The following GSE1 variants were observed in gnomAD, a reference collection of about 807,000 sequenced individuals.
GSE1 encodes the protein Gse1 coiled-coil protein.
A neutral mutation model predicts 112.6 loss-of-function variants in GSE1; 32 were observed. That is an observed-to-expected ratio of 0.28 (90% confidence interval 0.21 to 0.38). The LOEUF is 0.38. GSE1 is among the 10% of genes least tolerant of loss of function. GSE1 has a pLI of 1.00. For synonymous variants in GSE1, 1,115 were observed against 735.6 expected (o/e 1.52, Z -8.35); for missense variants, 2,348 against 1,699.2 (o/e 1.38, Z -6.71).
intron 1 of GSE1, among the ~76,000 whole-genome samples, chr16:85,619,277 TG>T (rs2048575112): frequency 6.6e-6 from 1 of 152,152 alleles, no homozygotes; most frequent in South Asian, 2.1e-4. Flanking sequence ...TGCGCTCGGA[TG>T]GTGGGTCTGT....
rs2048461414 is a variant in GSE1 at position 85,617,615 on chromosome 16, A to AGG, written c.7+4217_7+4218insGG. Among the ~76,000 whole-genome samples the AGG allele has an allele frequency of 2.7e-5, 2 of 74,754 alleles. 1 individual carries two copies. The highest frequency in any genetic ancestry group is 5.7e-5 in the Non-Finnish European group (2 of 34,864). The allele number at this position is 74,754 out of a possible 152,430, so 49.0% of individuals were successfully genotyped here. ...CAACCCTCCCCCCCCCCCCCCCGTT[A>AGG]ACTGCCACGTGCAGCCCAAGCTGAG... On this transcript the variant is annotated intron_variant, in intron 1 of 15. Transcript: ENST00000253458.
intron 1 of GSE1, among the ~76,000 whole-genome samples, chr16:85,286,973 G>A (rs1251038819): frequency 2.6e-5 from 4 of 152,326 alleles, no homozygotes; most frequent in East Asian, 3.9e-4. Flanking sequence ...GGAAAGCGTC[G>A]GGGGCCGCGG....
intron 2 of GSE1, among the ~76,000 whole-genome samples, chr16:85,455,458 G>T (rs2049800750): frequency 6.6e-6 from 1 of 152,058 alleles, no homozygotes; most frequent in South Asian, 2.1e-4. Flanking sequence ...GTAGGGCTGG[G>T]GATGAAGCTG....
chr16:85,326,693 T>C (rs1435693619), intron 1 of GSE1, among the ~76,000 whole-genome samples: 2 of 152,190 alleles, frequency 1.3e-5, no homozygotes, highest in African/African-American at 2.4e-5. Context: ...TTCCTCAGTC[T>C]CGGATATTTC....
rs1162204894 is a variant in GSE1, at chr16:85,588,632, G to T, written c.37+32269G>T. Among the ~76,000 whole-genome samples the T allele has an allele frequency of 3.3e-5, 5 of 152,350 alleles. No individual in the cohort carries two copies. In the South Asian group the frequency reaches 6.2e-4, roughly 19 times the overall value. ...ATAGGCCCTGTCTGTGACCTTTGCTGGGACAAGAAGTATTATCAGGAATAT... is the reference window on the plus strand; with the variant it reads ...ATAGGCCCTGTCTGTGACCTTTGCTTGGACAAGAAGTATTATCAGGAATAT... On this transcript the variant is annotated intron_variant, in intron 1 of 2. Transcript: ENST00000635906.
rs369253854 is a variant in GSE1, at chr16:85,515,497, C to T, written c.2465-118417C>T. On this transcript the variant is annotated intron_variant, in intron 2 of 2. Coordinates refer to the GSE1 transcript ENST00000637419. The stretch of plus-strand genomic sequence containing the variant: ...ATCTGGCAGCGGGTGGGCGGAGGGA[C>T]GTGGGGGAAGGCAGGAGCTCAGAAA... Among the ~76,000 whole-genome samples, 158 of 152,176 alleles carry T rather than the reference C, an allele frequency of 1.0e-3. 1 individual carries two copies. The highest frequency in any genetic ancestry group is 1.7e-3 in the Admixed American group (26 of 15,290).
chr16:85,216,947 G>A (rs554154525), intron 1 of GSE1, among the ~76,000 whole-genome samples: 1 of 152,364 alleles, frequency 6.6e-6, no homozygotes, highest in East Asian at 1.9e-4. Context: ...GAATGGGTGA[G>A]GTGGCCTATG....
chr16:85,173,282 G>A lies in GSE1; in HGVS notation c.2283+1475G>A, dbSNP rs183959584. Among the ~76,000 whole-genome samples, 9 of 152,338 alleles carry A rather than the reference G, an allele frequency of 5.9e-5. No homozygotes were observed. In the East Asian group the frequency reaches 1.5e-3, roughly 26 times the overall value. On this transcript the variant is annotated intron_variant, in intron 1 of 2. Transcript: ENST00000637419. ...AAGTCAGACAACACTCAGTCAGTAG[G>A]TATCTGAGGCAGATTTCGAAATTCT... is the stretch of plus-strand genomic sequence containing the variant.
intron 2 of GSE1, among the ~76,000 whole-genome samples, chr16:85,546,172 C>T (rs969796645): frequency 1.3e-5 from 2 of 152,166 alleles, no homozygotes; most frequent in African/African-American, 4.8e-5. Context: ...GCACCTTCCG[C>T]CTCCCGGGTT....
At chr16:85,439,593 C>T (rs550179926) in intron 2 of GSE1, among the ~76,000 whole-genome samples, 3 of 152,204 alleles carry the variant, frequency 2.0e-5, no homozygotes, top group South Asian at 4.2e-4. Flanking sequence ...TTGTAATTCT[C>T]GGCCTGTGTC....
chr16:85,673,250 TTAC>T lies in GSE1; in HGVS notation c.*715_*717del, dbSNP rs2053483677. ...ACACAGCTTCACACCCACCAGATTGTTACTACAGTGGGTTGGGTTTTCATACAG... is the reference window on the plus strand; with the variant it reads ...ACACAGCTTCACACCCACCAGATTGTTACAGTGGGTTGGGTTTTCATACAG... On this transcript the variant is annotated 3_prime_UTR_variant, in exon 16 of 16. Coordinates refer to ENST00000253458, the MANE Select transcript of GSE1 (RefSeq NM_014615.5). 1 of 152,604 alleles carries T rather than the reference TTAC, an allele frequency of 6.6e-6. No individual in the cohort carries two copies. The highest frequency in any genetic ancestry group is 1.5e-5 in the Non-Finnish European group (1 of 68,038). The allele number at this position is 152,604 out of a possible 1,614,324, so 9.5% of individuals were successfully genotyped here. A position where few individuals can be genotyped will look rare whatever the true frequency, so the allele number is the denominator to read the frequency against.
chr16:85,441,539 C>G (rs2049376080), intron 2 of GSE1, among the ~76,000 whole-genome samples: 1 of 152,192 alleles, frequency 6.6e-6, no homozygotes, highest in African/African-American at 2.4e-5. Context: ...CCTGTAATCC[C>G]AGCTACTCAG....
At chr16:85,579,432 C>T (rs1020027217) in intron 1 of GSE1, among the ~76,000 whole-genome samples, 6 of 152,198 alleles carry the variant, frequency 3.9e-5, no homozygotes, top group African/African-American at 9.6e-5. Flanking sequence ...TGTAAATTTC[C>T]GCAGAGTAAT....
At chr16:85,615,391 A>C (rs1337866204) in intron 1 of GSE1, among the ~76,000 whole-genome samples, 1 of 152,214 alleles carries the variant, frequency 6.6e-6, no homozygotes, top group Non-Finnish European at 1.5e-5. Context: ...CCGTGTCGGC[A>C]GCGTTCCTGA....
At chr16:85,418,250 T>G (rs920394265) in intron 2 of GSE1, among the ~76,000 whole-genome samples, 19 of 152,326 alleles carry the variant, frequency 1.2e-4, no homozygotes, top group African/African-American at 4.3e-4. Context: ...TGAGCAGTCT[T>G]TTTAGCTGCC....
chr16:85,477,068 G>A (rs934445417), intron 2 of GSE1, among the ~76,000 whole-genome samples: 1 of 151,902 alleles, frequency 6.6e-6, no homozygotes, highest in Non-Finnish European at 1.5e-5. Flanking sequence ...TGGGATGACA[G>A]GTGTACGCAC....
At chr16:85,201,474 G>A (rs1238910405) in intron 1 of GSE1, among the ~76,000 whole-genome samples, 3 of 151,772 alleles carry the variant, frequency 2.0e-5, no homozygotes, top group African/African-American at 7.3e-5. Flanking sequence ...CCTGACCAAC[G>A]TGGTGAAACG....
At chr16:85,213,106 T>TA (rs1199690886) in intron 1 of GSE1, among the ~76,000 whole-genome samples, 3 of 151,712 alleles carry the variant, frequency 2.0e-5, no homozygotes, top group Non-Finnish European at 4.4e-5. Context: ...CCTTCTCTAC[T>TA]AAAATACAAA....
rs79444713 is a variant in GSE1, at chr16:85,399,706, A to T, written c.2464+42063A>T. 5.6e-3 allele frequency among the ~76,000 whole-genome samples: 859 copies of T among 152,326 alleles called. 14 individuals carry two copies. The highest frequency in any genetic ancestry group is 0.019 in the African/African-American group (801 of 41,572). ...CTGCCGTAGGCGTGGGGGATGCCGC[A>T]GACAGTGAAACGGGCAAGGATACCT... On this transcript the variant is annotated intron_variant, in intron 2 of 2. Coordinates refer to the GSE1 transcript ENST00000637419.
Sources: allele counts gnomAD v4.1 joint callset (sites outside exome capture counted in the v4.1 genomes callset), GRCh38; gene constraint gnomAD v4.1.1; transcripts MANE v1.5; gene names NCBI Gene and HGNC (gene_info 2026-07-23, HGNC 2026-07-21).